NFKB1: variants seen among roughly 807,000 people sequenced by gnomAD.
NFKB1 encodes the protein nuclear factor NF-kappa-B p105 subunit.
A neutral mutation model predicts 105.1 loss-of-function variants in NFKB1; 9 were observed. The observed-to-expected ratio is 0.09, with a 90% CI of 0.05 to 0.15. The LOEUF is 0.15. NFKB1 is among the 10% of genes least tolerant of loss of function. The pLI, the probability that NFKB1 is intolerant of heterozygous loss-of-function variation, is 1.00. For missense variants in NFKB1, 830 were observed against 1,203.7 expected (o/e 0.69, Z 4.59); for synonymous variants, 440 against 442.2 (o/e 1.00, Z 0.06).
At chr4:102,543,501 C>T (rs1273744457) in intron 5 of NFKB1, among the ~76,000 whole-genome samples, 1 of 151,718 alleles carries the variant, frequency 6.6e-6, no homozygotes, top group African/African-American at 2.4e-5. Flanking sequence ...AAAGCTGGTT[C>T]TCACATATGT....
intron 5 of NFKB1, among the ~76,000 whole-genome samples, chr4:102,542,357 T>C (rs1020481885): frequency 3.9e-5 from 6 of 152,138 alleles, no homozygotes; most frequent in Non-Finnish European, 8.8e-5. Flanking sequence ...TGTGCAAGTC[T>C]TCATGCTCTT....
chr4:102,523,903 C>T lies in NFKB1; in HGVS notation c.-7-1609C>T, dbSNP rs144345178. ...ACTCCAACGAAGTGTAGGGTATACA[C>T]TAGGTAAGCAGTCACATTTCCAGCT... On this transcript the variant is annotated intron_variant, in intron 1 of 23. Transcript: ENST00000226574. 5.0e-3 allele frequency among the ~76,000 whole-genome samples: 759 copies of T among 152,200 alleles called. 6 individuals carry two copies. The highest frequency in any genetic ancestry group is 0.018 in the Admixed American group (270 of 15,296).
At chr4:102,530,441 G>A (rs993422898) in intron 3 of NFKB1, among the ~76,000 whole-genome samples, 5 of 151,952 alleles carry the variant, frequency 3.3e-5, no homozygotes, top group South Asian at 4.1e-4. Context: ...TAATTGTGCC[G>A]ATTGGCAACT....
chr4:102,539,412 C>G (rs1741857253), intron 5 of NFKB1, among the ~76,000 whole-genome samples: 1 of 152,094 alleles, frequency 6.6e-6, no homozygotes. Context: ...TCAAGTGAAA[C>G]TCACCCATTA....
intron 16 of NFKB1, among the ~76,000 whole-genome samples, chr4:102,601,851 CT>C (rs1423803088): frequency 6.6e-6 from 1 of 152,196 alleles, no homozygotes; most frequent in Non-Finnish European, 1.5e-5. Context: ...CTTCCTGCCC[CT>C]GATTGCTTTT....
intron 3 of NFKB1, 38 bp from the exon 4 acceptor site, chr4:102,533,807 A>G: frequency 6.3e-7 from 1 of 1,576,542 alleles, no homozygotes; most frequent in Non-Finnish European, 8.7e-7. Context: ...GAAGCCTCAC[A>G]GTTTCTTTTG....
chr4:102,566,720 A>G (rs955476132), intron 5 of NFKB1, among the ~76,000 whole-genome samples: 3 of 152,162 alleles, frequency 2.0e-5, no homozygotes, highest in African/African-American at 7.2e-5. Context: ...TGTTGCTCCA[A>G]CTTTCACAAT....
chr4:102,573,293 A>G (rs147537411), intron 6 of NFKB1, among the ~76,000 whole-genome samples: 88 of 152,298 alleles, frequency 5.8e-4, no homozygotes, highest in African/African-American at 2.0e-3. Context: ...GCGCAACAAG[A>G]AAGAAACTCC....
At chr4:102,520,428 A>T (rs1258802450) in intron 1 of NFKB1, among the ~76,000 whole-genome samples, 4 of 152,196 alleles carry the variant, frequency 2.6e-5, no homozygotes, top group Non-Finnish European at 5.9e-5. Context: ...TGAATGTTGT[A>T]TATGTATCTG....
intron 11 of NFKB1, among the ~76,000 whole-genome samples, chr4:102,588,281 A>T (rs1434959221): frequency 6.6e-6 from 1 of 152,146 alleles, no homozygotes; most frequent in Non-Finnish European, 1.5e-5. Context: ...AATATAAAGC[A>T]TCATACAGAA....
At chr4:102,608,717 A>G (rs560770967) in intron 19 of NFKB1, among the ~76,000 whole-genome samples, 1 of 152,220 alleles carries the variant, frequency 6.6e-6, no homozygotes, top group South Asian at 2.1e-4. Context: ...ACAAAGCAAA[A>G]GACATAGGAA....
At chr4:102,582,837 A>G in intron 9 of NFKB1, 29 bp from the exon 10 acceptor site, 2 of 1,456,916 alleles carry the variant, frequency 1.4e-6, no homozygotes, top group Non-Finnish European at 9.6e-7. Context: ...ACTATGTGAA[A>G]TTACACACTT....
At chr4:102,597,376 CA>C in intron 14 of NFKB1, 143 bp from the exon 15 acceptor site, 1 of 827,114 alleles carries the variant, frequency 1.2e-6, no homozygotes. Context: ...CCACACAATC[CA>C]AAAGCATTGA....
chr4:102,531,390 A>T (rs1382435185), intron 3 of NFKB1, among the ~76,000 whole-genome samples: 1 of 152,200 alleles, frequency 6.6e-6, no homozygotes. Flanking sequence ...TTGCAGTGTC[A>T]TAGTACAATT....
chr4:102,575,191 A>G (rs915248588), intron 6 of NFKB1, among the ~76,000 whole-genome samples: 1 of 152,194 alleles, frequency 6.6e-6, no homozygotes, highest in African/African-American at 2.4e-5. Flanking sequence ...TCTAGGGACT[A>G]GAGATCTCTG....
chr4:102,547,010 C>A (rs1722190342), intron 5 of NFKB1, among the ~76,000 whole-genome samples: 1 of 151,982 alleles, frequency 6.6e-6, no homozygotes, highest in Non-Finnish European at 1.5e-5. Context: ...TGCAGAAAAG[C>A]ATAAAAATGT....
chr4:102,566,691 C>T (rs1723901535), intron 5 of NFKB1, among the ~76,000 whole-genome samples: 1 of 152,174 alleles, frequency 6.6e-6, no homozygotes, highest in South Asian at 2.1e-4. Flanking sequence ...TTCATGACAA[C>T]ACAGCATCCT....
At chr4:102,566,335 C>G (rs1379385152) in intron 5 of NFKB1, among the ~76,000 whole-genome samples, 4 of 152,098 alleles carry the variant, frequency 2.6e-5, no homozygotes, top group Admixed American at 2.0e-4. Context: ...AAGGAGTACA[C>G]TTTTTTGAAT....
intron 11 of NFKB1, among the ~76,000 whole-genome samples, chr4:102,589,982 C>T (rs1726037844): frequency 6.6e-6 from 1 of 152,034 alleles, no homozygotes; most frequent in Non-Finnish European, 1.5e-5. Context: ...GAAAACAAAA[C>T]AAAAAGAAAA....
Sources: allele counts gnomAD v4.1 joint callset (sites outside exome capture counted in the v4.1 genomes callset), GRCh38; gene constraint gnomAD v4.1.1; transcripts MANE v1.5; gene names NCBI Gene and HGNC (gene_info 2026-07-23, HGNC 2026-07-21).